Variants in GPR61 observed in about 807,000 individuals in gnomAD.
GPR61 encodes G protein-coupled receptor 61, also known as G-protein coupled receptor 61.
Under a neutral mutation model 29.2 loss-of-function variants are expected in GPR61, and 15 were observed. That is an observed-to-expected ratio of 0.51 (90% CI 0.34 to 0.79). The LOEUF is 0.79. Among genes scored for constraint, GPR61 ranks in the 30% least tolerant of loss-of-function variants. The probability of loss-of-function intolerance (pLI) is 0.01; values close to 1 mark genes in which losing one functional copy is unlikely to be tolerated. For missense variants in GPR61, 399 were observed against 582.5 expected (o/e 0.69, Z 3.24); for synonymous variants, 238 against 242.3 (o/e 0.98, Z 0.17).
rs192593556 is a variant in GPR61, at chr1:109,546,626, A to G, written c.*2248A>G. 4.0e-4 allele frequency: 61 copies of G among 152,350 alleles called. No homozygotes were observed. Among genetic ancestry groups the G allele is most frequent in the African/African-American group, 1.3e-3 (56 of 41,586 alleles). 9.4% of individuals were successfully genotyped at this position (152,350 alleles called of 1,614,324 possible). Reference sequence around the variant, plus strand: ...AGAAGAAAGTTTTAAGAGCAAGGGTATCTTTAATTCAGGCTGAAATTTCCT... The same window carrying G: ...AGAAGAAAGTTTTAAGAGCAAGGGTGTCTTTAATTCAGGCTGAAATTTCCT... On this transcript the variant is annotated 3_prime_UTR_variant, in exon 2 of 2. Transcript: ENST00000527748.
Position 109,542,973 on chromosome 1 carries a change from G to T in GPR61, c.-50G>T. 6.4e-7 allele frequency: 1 copy of T among 1,554,410 alleles called. No individual in the cohort carries two copies. The highest frequency in any genetic ancestry group is 2.3e-5 in the East Asian group (1 of 43,178). Reference sequence around the variant, plus strand: ...CATCCCAGGGTCGCTGGACTAGGATGGGGGATGGGCCTGTGACAGGAGGTA... The same window carrying T: ...CATCCCAGGGTCGCTGGACTAGGATTGGGGATGGGCCTGTGACAGGAGGTA... On this transcript the variant is annotated 5_prime_UTR_variant, in exon 2 of 2. The change abolishes an upstream ATG in the 5' untranslated region. Coordinates refer to ENST00000527748, the MANE Select transcript of GPR61 (RefSeq NM_001393907.1).
rs1429896767 is a variant in GPR61, at chr1:109,545,987, CTTTGA to C, written c.*1616_*1620del. The C allele has an allele frequency of 6.6e-6, 1 of 152,110 alleles. No individual in the cohort carries two copies. The highest frequency in any genetic ancestry group is 1.9e-4 in the East Asian group (1 of 5,198). The allele number at this position is 152,110 out of a possible 1,614,324, so 9.4% of individuals were successfully genotyped here. ...AGATACCTTATATTTTCACAAAGCACTTTGATTTGATAAAGCACTACAGAATGTGC... is the reference window on the plus strand; with the variant it reads ...AGATACCTTATATTTTCACAAAGCACTTTGATAAAGCACTACAGAATGTGC... On this transcript the variant is annotated 3_prime_UTR_variant, in exon 2 of 2. Coordinates refer to ENST00000527748, the MANE Select transcript of GPR61 (RefSeq NM_001393907.1).
In GPR61 at chr1:109,540,113, G is replaced by T. The variant is rs567805047; in HGVS notation, c.-602+160G>T. ...ATGGGCTCTCAGGTATCCCAAAGGC[G>T]GTATTGGGGTGTGGGCATCTCTGAA... On this transcript the variant is annotated intron_variant, in intron 1 of 1. Coordinates refer to ENST00000527748, the MANE Select transcript of GPR61 (RefSeq NM_001393907.1). 5 of 152,334 alleles carry T rather than the reference G, an allele frequency of 3.3e-5. No homozygotes were observed. The East Asian group carries it at 9.6e-4, about 29-fold the overall frequency. 9.4% of individuals were successfully genotyped at this position (152,334 alleles called of 1,614,324 possible).
Position 109,542,895 on chromosome 1 carries a change from G to T in GPR61, c.-128G>T, listed in dbSNP as rs955143498. 6.8e-6 allele frequency: 9 copies of T among 1,317,584 alleles called. No homozygotes were observed. The Admixed American group carries it at 1.2e-4, about 17-fold the overall frequency. 81.6% of individuals were successfully genotyped at this position (1,317,584 alleles called of 1,614,324 possible). A position where few individuals can be genotyped will look rare whatever the true frequency, so the allele number is the denominator to read the frequency against. On this transcript the variant is annotated 5_prime_UTR_variant, in exon 2 of 2. Coordinates refer to ENST00000527748, the MANE Select transcript of GPR61 (RefSeq NM_001393907.1). ...GTACGCAGACAAACCTGCCCAAGAGGCTCCAGTGGGAGGTGCCCCCTACGA... is the reference window on the plus strand; with the variant it reads ...GTACGCAGACAAACCTGCCCAAGAGTCTCCAGTGGGAGGTGCCCCCTACGA...
Position 109,543,377 on chromosome 1 carries a change from T to C in GPR61, c.355T>C (p.Leu119=). 6.2e-7 allele frequency: 1 copy of C among 1,611,924 alleles called. No individual in the cohort carries two copies. The highest frequency in any genetic ancestry group is 8.5e-7 in the Non-Finnish European group (1 of 1,179,894). ...TGGGGAGGTGGCCTGCCGCCTCTACTTGTTTCTGAGCGTGTGCTTTGTCAG... is the reference window on the plus strand; with the variant it reads ...TGGGGAGGTGGCCTGCCGCCTCTACCTGTTTCTGAGCGTGTGCTTTGTCAG... ...LFGEVACRLY[L]FLSVCFVSLA... is the part of the protein sequence containing the mutation. Residue 119 remains leucine, a synonymous_variant, in exon 2 of 2, where the codon TTG becomes CTG. Coordinates refer to ENST00000527748, the MANE Select transcript of GPR61 (RefSeq NM_001393907.1). The surrounding 1 kb of genome is among the most constrained non-coding windows in gnomAD (Gnocchi z 6.8).
In GPR61 at chr1:109,542,774, C is replaced by A; in HGVS notation, c.-249C>A. 1 of 683,566 alleles carries A rather than the reference C, an allele frequency of 1.5e-6. No homozygotes were observed. The highest frequency in any genetic ancestry group is 2.7e-6 in the Non-Finnish European group (1 of 374,238). The allele number at this position is 683,566 out of a possible 1,614,324, so 42.3% of individuals were successfully genotyped here. On this transcript the variant is annotated 5_prime_UTR_variant, in exon 2 of 2. Coordinates refer to ENST00000527748, the MANE Select transcript of GPR61 (RefSeq NM_001393907.1). ...TCAGGCTCCTGCACCTCTCACGTCTCCTGCTTCTTAGCAGTCACCAAGGCA... is the reference window on the plus strand; with the variant it reads ...TCAGGCTCCTGCACCTCTCACGTCTACTGCTTCTTAGCAGTCACCAAGGCA...
At position 109,543,864 on chromosome 1, in the gene GPR61, G is replaced by A. The variant is rs1447544983; in HGVS notation, c.842G>A (p.Gly281Glu). Reference protein sequence around the residue: ...APQTTPHRTFGGGKAAVVLLA... With the variant: ...APQTTPHRTFEGGKAAVVLLA... ...CAGACCACCCCACACCGGACGTTTG[G>A]GGGAGGGAAAGCAGCAGTGGTTCTC... Residue 281 changes from glycine to glutamate, a missense_variant, in exon 2 of 2, where the codon GGG becomes GAG. Gly to Glu is a moderately conservative substitution (Grantham distance 98, BLOSUM62 -2). This residue lies in a region of GPR61 where 320 missense variants were observed against 459.8 expected (regional missense o/e 0.70). Transcript: ENST00000527748. The surrounding 1 kb of genome is among the most constrained non-coding windows in gnomAD (Gnocchi z 6.8). 1 of 1,613,240 alleles carries A rather than the reference G, an allele frequency of 6.2e-7. No individual in the cohort carries two copies. The highest frequency in any genetic ancestry group is 8.5e-7 in the Non-Finnish European group (1 of 1,180,042).
Position 109,544,102 on chromosome 1 carries a change from C to T in GPR61, c.1080C>T (p.Phe360=), listed in dbSNP as rs758535464. The change falls in exon 2 of 2, where the codon TTC becomes TTT. Residue 360 remains phenylalanine, a synonymous_variant. Coordinates refer to ENST00000527748, the MANE Select transcript of GPR61 (RefSeq NM_001393907.1). The surrounding 1 kb of genome is among the most constrained non-coding windows in gnomAD (Gnocchi z 4.6). ...TCAGCAAGCAGTTTGTCTGCTTCTT[C>T]AAGCCAGCTCCAGAGGAGGAGCTGA... The part of the protein sequence containing the change: ...GELSKQFVCF[F]KPAPEEELRL... 1.2e-6 allele frequency: 2 copies of T among 1,614,204 alleles called. No homozygotes were observed. Among genetic ancestry groups the T allele is most frequent in the Non-Finnish European group, 1.7e-6 (2 of 1,180,032 alleles).
chr1:109,544,644 G>C lies in GPR61; in HGVS notation c.*266G>C, dbSNP rs1647747640. The C allele has an allele frequency of 2.2e-6, 1 of 453,948 alleles. No homozygotes were observed. The highest frequency in any genetic ancestry group is 2.0e-5 in the African/African-American group (1 of 51,148). 28.1% of individuals were successfully genotyped at this position (453,948 alleles called of 1,614,324 possible). ...CGAGAGAAAAGGGTCACAAAGGTGA[G>C]GTGAAACCTCTCAATTGGTGAAATT... On this transcript the variant is annotated 3_prime_UTR_variant, in exon 2 of 2. Coordinates refer to ENST00000527748, the MANE Select transcript of GPR61 (RefSeq NM_001393907.1). The surrounding 1 kb of genome is among the most constrained non-coding windows in gnomAD (Gnocchi z 4.6).
chr1:109,544,215 G>A lies in GPR61; in HGVS notation c.1193G>A (p.Arg398Gln), dbSNP rs546649894. Residue 398 changes from arginine to glutamine, a missense_variant, in exon 2 of 2, where the codon CGA becomes CAA. Coordinates refer to ENST00000527748, the MANE Select transcript of GPR61 (RefSeq NM_001393907.1). The surrounding 1 kb of genome is among the most constrained non-coding windows in gnomAD (Gnocchi z 4.6). ...TGTCCTTCTGAGTCCTGGGTTTCCC[G>A]ACCCCTACCCAGCCCCAAGCAGGAG... ...TGCPSESWVS[R>Q]PLPSPKQEPP... 3.7e-6 allele frequency: 6 copies of A among 1,614,006 alleles called. No homozygotes were observed. The Admixed American group carries it at 5.0e-5, about 13-fold the overall frequency.
chr1:109,543,338 G>C lies in GPR61; in HGVS notation c.316G>C (p.Asp106His). Residue 106 changes from aspartate (D) to histidine (H), a missense_variant, in exon 2 of 2, where the codon GAC (aspartate) becomes CAC (histidine). Physicochemically the swap from Asp to His is moderately conservative, Grantham distance 81 (BLOSUM62 -1). Coordinates refer to ENST00000527748, the MANE Select transcript of GPR61 (RefSeq NM_001393907.1). This position sits in a 1 kb window ranked among gnomAD's most constrained non-coding sequence, Gnocchi z 6.8. ...CATGCTCTCCAGCTCTGCCCTCTTT[G>C]ACCACGCCCTCTTTGGGGAGGTGGC... ...LAMLSSSALF[D>H]HALFGEVACR... 1.2e-6 allele frequency: 2 copies of C among 1,613,322 alleles called. No homozygotes were observed. Among genetic ancestry groups the C allele is most frequent in the Non-Finnish European group, 1.7e-6 (2 of 1,179,954 alleles).
Position 109,543,585 on chromosome 1 carries a change from C to G in GPR61, c.563C>G (p.Ala188Gly), listed in dbSNP as rs1483864236. The G allele has an allele frequency of 6.2e-7, 1 of 1,614,158 alleles. No homozygotes were observed. Among genetic ancestry groups the G allele is most frequent in the South Asian group, 1.1e-5 (1 of 91,076 alleles). Residue 188 changes from alanine (A) to glycine (G), a missense_variant, in exon 2 of 2, where the codon GCT (alanine) becomes GGT (glycine). This residue lies in a region of GPR61 where 320 missense variants were observed against 459.8 expected (regional missense o/e 0.70). Coordinates refer to ENST00000527748, the MANE Select transcript of GPR61 (RefSeq NM_001393907.1). The surrounding 1 kb of genome is among the most constrained non-coding windows in gnomAD (Gnocchi z 6.8). ...GGAAGGGTCTCCTGGGAGGAAGGAG[C>G]TCCCAGTGTCCCCCCAGGCTGTTCA... ...VLGRVSWEEG[A>G]PSVPPGCSLQ...
intron 1 of GPR61, among the ~76,000 whole-genome samples, chr1:109,541,814 C>T (rs760523639): frequency 3.0e-4 from 45 of 152,176 alleles, no homozygotes; most frequent in Non-Finnish European, 6.2e-4. Context: ...AAGCAACTTC[C>T]GGCTTTGGGA....
chr1:109,546,635 T>A lies in GPR61; in HGVS notation c.*2257T>A, dbSNP rs1647810841. On this transcript the variant is annotated 3_prime_UTR_variant, in exon 2 of 2. Coordinates refer to ENST00000527748, the MANE Select transcript of GPR61 (RefSeq NM_001393907.1). ...TTTTAAGAGCAAGGGTATCTTTAATTCAGGCTGAAATTTCCTGACACTGTG... is the reference window on the plus strand; with the variant it reads ...TTTTAAGAGCAAGGGTATCTTTAATACAGGCTGAAATTTCCTGACACTGTG... 1 of 152,252 alleles carries A rather than the reference T, an allele frequency of 6.6e-6. No individual in the cohort carries two copies. The highest frequency in any genetic ancestry group is 1.5e-5 in the Non-Finnish European group (1 of 68,040). 9.4% of individuals were successfully genotyped at this position (152,252 alleles called of 1,614,324 possible).
In GPR61 at chr1:109,546,482, A is replaced by C. The variant is rs1036612037; in HGVS notation, c.*2104A>C. 2 of 152,252 alleles carry C rather than the reference A, an allele frequency of 1.3e-5. No homozygotes were observed. Among genetic ancestry groups the C allele is most frequent in the Admixed American group, 1.3e-4 (2 of 15,278 alleles). The allele number at this position is 152,252 out of a possible 1,614,324, so 9.4% of individuals were successfully genotyped here. A position where few individuals can be genotyped will look rare whatever the true frequency, so the allele number is the denominator to read the frequency against. ...GAGCCCAATGGAAGGAGGAAAGGCG[A>C]GTGTACGTGGTGGGAGGAGGAAGGG... On this transcript the variant is annotated 3_prime_UTR_variant, in exon 2 of 2. Transcript: ENST00000527748.
In GPR61 at chr1:109,544,361, C is replaced by T; in HGVS notation, c.1339C>T (p.Pro447Ser). The change falls in exon 2 of 2, where the codon CCC becomes TCC. Residue 447 changes from proline (P) to serine (S), a missense_variant. Pro to Ser is a moderately conservative substitution (Grantham distance 74). This residue lies in a region of GPR61 where 320 missense variants were observed against 459.8 expected (regional missense o/e 0.70). Coordinates refer to ENST00000527748, the MANE Select transcript of GPR61 (RefSeq NM_001393907.1). The surrounding 1 kb of genome is among the most constrained non-coding windows in gnomAD (Gnocchi z 4.6). ...SDSYLRPAASPRLES is the reference protein window; with the variant it reads ...SDSYLRPAASSRLES ...CAGCTACCTCCGTCCTGCCGCCTCA[C>T]CCCGGCTGGAGTCATGATGGGCCGC... is the stretch of plus-strand genomic sequence containing the variant. The T allele has an allele frequency of 6.2e-7, 1 of 1,612,004 alleles. No individual in the cohort carries two copies. The highest frequency in any genetic ancestry group is 1.1e-5 in the South Asian group (1 of 90,974).
In GPR61 at chr1:109,543,169, G is replaced by A. The variant is rs1161770579; in HGVS notation, c.147G>A (p.Met49Ile). The A allele has an allele frequency of 8.1e-6, 13 of 1,612,930 alleles. No homozygotes were observed. Among genetic ancestry groups the A allele is most frequent in the Non-Finnish European group, 1.1e-5 (13 of 1,179,206 alleles). Residue 49 changes from methionine (M) to isoleucine (I), a missense_variant, in exon 2 of 2, where the codon ATG becomes ATA. Met to Ile is a conservative substitution (Grantham distance 10, BLOSUM62 1). Around this residue, in one of 3 missense-constraint regions of GPR61, gnomAD observed 78 missense variants for 101.0 expected, o/e 0.77. Transcript: ENST00000527748. This position sits in a 1 kb window ranked among gnomAD's most constrained non-coding sequence, Gnocchi z 6.8. ...CGGAATCTGTGGCCCTCTTCTTCAT[G>A]CTCCTGCTGGACTTGACTGCTGTGG... Reference protein sequence around the residue: ...VASESVALFFMLLLDLTAVAG... With the variant: ...VASESVALFFILLLDLTAVAG...
At chr1:109,542,167 C>T (rs563956324) in intron 1 of GPR61, among the ~76,000 whole-genome samples, 14 of 152,324 alleles carry the variant, frequency 9.2e-5, no homozygotes, top group African/African-American at 2.9e-4. Context: ...ACTAGCTGTG[C>T]GACCTTGGGT....
rs914824988 is a variant in GPR61, at chr1:109,545,919, C to T, written c.*1541C>T. 22 of 152,296 alleles carry T rather than the reference C, an allele frequency of 1.4e-4. No individual in the cohort carries two copies. Among genetic ancestry groups the T allele is most frequent in the African/African-American group, 5.3e-4 (22 of 41,554 alleles). The allele number at this position is 152,296 out of a possible 1,614,324, so 9.4% of individuals were successfully genotyped here. A position where few individuals can be genotyped will look rare whatever the true frequency, so the allele number is the denominator to read the frequency against. Reference sequence around the variant, plus strand: ...ACTAGTCCCTGGGACCCACACAGGGCGTGTGGTCATTGCTTTTAAGGAGTT... The same window carrying T: ...ACTAGTCCCTGGGACCCACACAGGGTGTGTGGTCATTGCTTTTAAGGAGTT... On this transcript the variant is annotated 3_prime_UTR_variant, in exon 2 of 2. Transcript: ENST00000527748.
Sources: allele counts gnomAD v4.1 joint callset (sites outside exome capture counted in the v4.1 genomes callset), GRCh38; gene constraint gnomAD v4.1.1; regional missense constraint gnomAD v4.1.1; non-coding constraint Gnocchi (gnomAD v3.1); transcripts MANE v1.5; gene names NCBI Gene and HGNC (gene_info 2026-07-23, HGNC 2026-07-21).